Variants in GLIS3 observed in about 807,000 individuals in gnomAD.
GLIS3 encodes the protein zinc finger protein GLIS3.
A neutral mutation model predicts 78.6 loss-of-function variants in GLIS3; 53 were observed. The observed-to-expected ratio is 0.67, with a 90% CI of 0.54 to 0.85. The LOEUF is 0.85. GLIS3 is among the 40% of genes least tolerant of loss of function. GLIS3 has a pLI of 0.00. For missense variants in GLIS3, 1,703 were observed against 1,231.1 expected, an observed-to-expected ratio of 1.38 and a Z score of -5.74; for synonymous variants, 684 against 509.9, an observed-to-expected ratio of 1.34 and a Z score of -4.60.
At chr9:4,049,188 G>C (rs1266425730) in intron 4 of GLIS3, among the ~76,000 whole-genome samples, 2 of 152,142 alleles carry the variant, frequency 1.3e-5, no homozygotes, top group South Asian at 2.1e-4. Flanking sequence ...CAGAAGTCTA[G>C]GATACAGAGA....
At chr9:3,972,280 G>C (rs1818436653) in intron 4 of GLIS3, among the ~76,000 whole-genome samples, 1 of 152,170 alleles carries the variant, frequency 6.6e-6, no homozygotes, top group Non-Finnish European at 1.5e-5. Context: ...CTGTGCATAT[G>C]ACAAATCATC....
At chr9:4,364,938 T>C in the GLIS3 span, among the ~76,000 whole-genome samples, 368 of 152,108 alleles carry the variant, frequency 2.4e-3, 4 homozygotes, top group African/African-American at 8.3e-3. Context: ...TGTCTGCTAC[T>C]GCACCTGGCA....
intron 4 of GLIS3, among the ~76,000 whole-genome samples, chr9:4,039,961 C>A (rs1009361851): frequency 6.6e-6 from 1 of 152,108 alleles, no homozygotes; most frequent in Non-Finnish European, 1.5e-5. Context: ...AATGTGGAGG[C>A]CAAAACTGTT....
the GLIS3 span, among the ~76,000 whole-genome samples, chr9:4,360,546 A>G: frequency 6.6e-6 from 1 of 152,148 alleles, no homozygotes; most frequent in Non-Finnish European, 1.5e-5. Context: ...TCCGAGGATT[A>G]TCTCATTTAT....
chr9:4,485,027 G>A, the GLIS3 span, among the ~76,000 whole-genome samples: 12 of 141,408 alleles, frequency 8.5e-5, 1 homozygote, highest in South Asian at 2.6e-3. Flanking sequence ...GGTGGGGGTG[G>A]TGGGGGGACA....
intron 7 of GLIS3, among the ~76,000 whole-genome samples, chr9:3,880,355 C>A (rs1821644075): frequency 6.6e-6 from 1 of 152,298 alleles, no homozygotes. Flanking sequence ...CCATTTAGAT[C>A]AGCTAATTGG....
At chr9:4,455,861 C>G in the GLIS3 span, among the ~76,000 whole-genome samples, 2 of 151,900 alleles carry the variant, frequency 1.3e-5, no homozygotes, top group African/African-American at 4.8e-5. Context: ...ACCTGTAATC[C>G]TCACACTTTG....
chr9:3,910,998 A>G (rs1824104868), intron 6 of GLIS3, among the ~76,000 whole-genome samples: 1 of 152,254 alleles, frequency 6.6e-6, no homozygotes. Flanking sequence ...ACCAGGACAG[A>G]ATAAATACAA....
At chr9:4,400,274 G>A in the GLIS3 span, among the ~76,000 whole-genome samples, 2 of 152,226 alleles carry the variant, frequency 1.3e-5, no homozygotes, top group Non-Finnish European at 2.9e-5. Flanking sequence ...GAGTTAGGAG[G>A]CAGTTGAAAT....
intron 7 of GLIS3, among the ~76,000 whole-genome samples, chr9:3,885,201 C>A (rs892721559): frequency 6.6e-6 from 1 of 152,186 alleles, no homozygotes; most frequent in Non-Finnish European, 1.5e-5. Context: ...GCATATTGAT[C>A]CACTGCTAGG....
At chr9:4,181,636 C>A (rs1205569515) in intron 2 of GLIS3, among the ~76,000 whole-genome samples, 1 of 152,230 alleles carries the variant, frequency 6.6e-6, no homozygotes, top group Non-Finnish European at 1.5e-5. Flanking sequence ...CTTTGCTATT[C>A]CTCACACTGA....
chr9:4,405,371 G>C, the GLIS3 span, among the ~76,000 whole-genome samples: 12 of 147,520 alleles, frequency 8.1e-5, no homozygotes, highest in South Asian at 4.3e-4. Context: ...AAAAGAAAAA[G>C]AAAAAGAAAA....
At chr9:4,341,121 G>C (rs1817828361) in intron 2 of GLIS3, among the ~76,000 whole-genome samples, 1 of 152,192 alleles carries the variant, frequency 6.6e-6, no homozygotes, top group Non-Finnish European at 1.5e-5. Context: ...GAACTTATGT[G>C]TTTCCTTTTT....
At chr9:4,137,136 A>C (rs551691357) in intron 2 of GLIS3, among the ~76,000 whole-genome samples, 31 of 152,240 alleles carry the variant, frequency 2.0e-4, no homozygotes, top group Non-Finnish European at 3.7e-4. Flanking sequence ...GTTATGAAGC[A>C]AGTTAGAGTA....
intron 2 of GLIS3, among the ~76,000 whole-genome samples, chr9:4,282,145 C>A (rs1587292998): frequency 1.3e-5 from 2 of 152,336 alleles, no homozygotes; most frequent in South Asian, 4.1e-4. Context: ...CCGTACACAG[C>A]TCTACGCTTC....
intron 2 of GLIS3, among the ~76,000 whole-genome samples, chr9:4,340,332 A>G (rs774091746): frequency 7.5e-6 from 1 of 133,818 alleles, no homozygotes; most frequent in Non-Finnish European, 1.6e-5. Flanking sequence ...TTTATTTGCC[A>G]TGACTGATGT....
chr9:4,038,087 C>T (rs1022136529), intron 4 of GLIS3, among the ~76,000 whole-genome samples: 4 of 152,148 alleles, frequency 2.6e-5, no homozygotes, highest in African/African-American at 9.7e-5. Flanking sequence ...TTCCCCTCTT[C>T]CTGTTCACCT....
chr9:4,457,043 T>G, the GLIS3 span, among the ~76,000 whole-genome samples: 1 of 152,180 alleles, frequency 6.6e-6, no homozygotes, highest in Non-Finnish European at 1.5e-5. Context: ...TACTCAGGGT[T>G]GCCACAAACC....
the GLIS3 span, among the ~76,000 whole-genome samples, chr9:4,425,561 T>C: frequency 6.6e-6 from 1 of 152,252 alleles, no homozygotes; most frequent in Non-Finnish European, 1.5e-5. Context: ...TTCTCAAGAC[T>C]GCTTCCTTGC....
Sources: gnomAD v4.1 joint callset for allele counts (sites outside exome capture counted in the v4.1 genomes callset) on GRCh38, gnomAD v4.1.1 for gene constraint, MANE v1.5 for transcripts, NCBI Gene and HGNC (gene_info 2026-07-23, HGNC 2026-07-21) for gene names.